The following EPHA7 variants were observed in gnomAD, a reference collection of about 807,000 sequenced individuals.
The protein encoded by EPHA7 is EPH receptor A7, also known as ephrin type-A receptor 7.
In EPHA7, 25 loss-of-function variants were observed where a neutral mutation model predicts 112.6. That is an observed-to-expected ratio of 0.22 (90% CI 0.16 to 0.31). The LOEUF is 0.31. Among genes scored for constraint, EPHA7 ranks in the 10% least tolerant of loss-of-function variants. The pLI is 1.00. For synonymous variants in EPHA7, 437 were observed against 406.5 expected, an observed-to-expected ratio of 1.07 and a Z score of -0.90; for missense variants, 962 against 1,212.6, an observed-to-expected ratio of 0.79 and a Z score of 3.07.
At chr6:93,316,223 A>G (rs1331732033) in intron 5 of EPHA7, among the ~76,000 whole-genome samples, 1 of 152,130 alleles carries the variant, frequency 6.6e-6, no homozygotes, top group Non-Finnish European at 1.5e-5. Flanking sequence ...ATTTCTAAAA[A>G]CCTTCATATT....
Position 93,350,083 on chromosome 6 carries a change from T to A in EPHA7, c.1324+6634A>T, listed in dbSNP as rs763598439. Among the ~76,000 whole-genome samples the A allele has an allele frequency of 3.7e-4, 56 of 152,122 alleles. 1 individual carries two copies. Among genetic ancestry groups the A allele is most frequent in the Non-Finnish European group, 7.1e-4 (48 of 67,930 alleles). ...TTGGCTGAGAAATTAGATCTGGGCA[T>A]TGAAAAACACAGGAAAGTCGGTCAG... is the stretch of plus-strand genomic sequence containing the variant. On this transcript the variant is annotated intron_variant, in intron 5 of 16. Coordinates refer to ENST00000369303, the MANE Select transcript of EPHA7 (RefSeq NM_004440.4).
Position 93,243,134 on chromosome 6 carries a change from T to C in EPHA7, c.*292A>G, listed in dbSNP as rs1276361150. ...TTCTTTATGTACATTTTAAAAAGTC[T>C]ATAAGACAAAAAGGAGGTTAGAGAG... is the stretch of plus-strand genomic sequence containing the variant. On this transcript the variant is annotated 3_prime_UTR_variant, in exon 17 of 17. Transcript: ENST00000369303. 3.6e-6 allele frequency: 1 copy of C among 280,044 alleles called. No homozygotes were observed. The allele number at this position is 280,044 out of a possible 1,614,324, so 17.3% of individuals were successfully genotyped here.
chr6:93,361,526 A>G (rs1776260713), intron 3 of EPHA7, among the ~76,000 whole-genome samples: 1 of 152,064 alleles, frequency 6.6e-6, no homozygotes, highest in Admixed American at 6.6e-5. Flanking sequence ...AAAGCAGGGT[A>G]AAGTGGCATA....
At chr6:93,309,711 T>C (rs1006648347) in intron 5 of EPHA7, among the ~76,000 whole-genome samples, 5 of 152,094 alleles carry the variant, frequency 3.3e-5, no homozygotes, top group Middle Eastern at 3.3e-3. Flanking sequence ...TATTTTATCA[T>C]AAAACATTCT....
At chr6:93,246,082 C>T (rs889063165) in intron 15 of EPHA7, among the ~76,000 whole-genome samples, 7 of 151,138 alleles carry the variant, frequency 4.6e-5, no homozygotes, top group South Asian at 2.1e-4. Context: ...GACGGAGTCT[C>T]GCTCTGTCGC....
At chr6:93,325,241 G>C (rs1262916047) in intron 5 of EPHA7, among the ~76,000 whole-genome samples, 3 of 151,138 alleles carry the variant, frequency 2.0e-5, no homozygotes, top group African/African-American at 7.3e-5. Context: ...AGAAACAATT[G>C]GTCCTAAGTG....
In EPHA7 at chr6:93,243,376, G is replaced by T; in HGVS notation, c.*50C>A. The stretch of plus-strand genomic sequence containing the variant: ...CATTCTATGCATATACTGAAGGCCA[G>T]TACTGTTCTCTTGCAGTCTGTAATC... On this transcript the variant is annotated 3_prime_UTR_variant, in exon 17 of 17. Transcript: ENST00000369303. 7.2e-7 allele frequency: 1 copy of T among 1,386,158 alleles called. No homozygotes were observed. The highest frequency in any genetic ancestry group is 1.0e-6 in the Non-Finnish European group (1 of 974,746). 85.9% of individuals were successfully genotyped at this position (1,386,158 alleles called of 1,614,324 possible). A position where few individuals can be genotyped will look rare whatever the true frequency, so the allele number is the denominator to read the frequency against.
chr6:93,302,064 T>C (rs1224781753), intron 5 of EPHA7, among the ~76,000 whole-genome samples: 2 of 152,168 alleles, frequency 1.3e-5, no homozygotes, highest in South Asian at 4.1e-4. Flanking sequence ...ACCCTTACCG[T>C]CACTGGGCCG....
At chr6:93,297,970 G>A (rs1017466618) in intron 5 of EPHA7, among the ~76,000 whole-genome samples, 4 of 152,112 alleles carry the variant, frequency 2.6e-5, no homozygotes, top group African/African-American at 9.7e-5. Flanking sequence ...GTAGCCCTCA[G>A]TGCAGCAAAC....
intron 5 of EPHA7, among the ~76,000 whole-genome samples, chr6:93,312,841 G>A (rs893572952): frequency 2.0e-5 from 3 of 152,062 alleles, no homozygotes; most frequent in Non-Finnish European, 2.9e-5. Context: ...GTTATTAAAT[G>A]GCTTAATTTT....
chr6:93,399,946 G>C (rs1256494643), intron 3 of EPHA7, among the ~76,000 whole-genome samples: 2 of 152,006 alleles, frequency 1.3e-5, no homozygotes, highest in African/African-American at 2.4e-5. Context: ...ACTCAAACTT[G>C]AAGAATTTGT....
intron 5 of EPHA7, among the ~76,000 whole-genome samples, chr6:93,342,537 G>C (rs1189953370): frequency 6.6e-6 from 1 of 151,658 alleles, no homozygotes; most frequent in Non-Finnish European, 1.5e-5. Flanking sequence ...AGGCATGCTG[G>C]AGTAATCAAA....
At chr6:93,276,900 T>C (rs954151482) in intron 5 of EPHA7, among the ~76,000 whole-genome samples, 1 of 152,048 alleles carries the variant, frequency 6.6e-6, no homozygotes, top group Non-Finnish European at 1.5e-5. Context: ...AAACAAAGAA[T>C]GGATGGAAAA....
chr6:93,284,930 G>A (rs191960072), intron 5 of EPHA7, among the ~76,000 whole-genome samples: 83 of 152,036 alleles, frequency 5.5e-4, no homozygotes, highest in African/African-American at 2.0e-3. Context: ...AACCACCATG[G>A]CGTGTGTATA....
intron 5 of EPHA7, among the ~76,000 whole-genome samples, chr6:93,326,580 C>A (rs1398407266): frequency 1.3e-5 from 2 of 151,428 alleles, no homozygotes; most frequent in African/African-American, 2.4e-5. Flanking sequence ...TATTTGTTCA[C>A]TGAAACTGAA....
chr6:93,246,878 C>G lies in EPHA7; in HGVS notation c.2640G>C (p.Arg880Ser), dbSNP rs2127847048. Residue 880 changes from arginine to serine, a missense_variant, in exon 15 of 17, where the codon AGG becomes AGC. Arg to Ser is a moderately radical substitution (Grantham distance 110). Around this residue, in one of 3 missense-constraint regions of EPHA7, gnomAD observed 746 missense variants for 889.2 expected, o/e 0.84. Transcript: ENST00000369303. ...LDCWQKERAE[R>S]PKFEQIVGIL... ...TTCCAACTATCTGTTCAAATTTTGG[C>G]CTTTCAGCACGCTCCTTTTGCCAAC... 1 of 1,613,842 alleles carries G rather than the reference C, an allele frequency of 6.2e-7. No individual in the cohort carries two copies. Among genetic ancestry groups the G allele is most frequent in the Non-Finnish European group, 8.5e-7 (1 of 1,179,792 alleles).
At chr6:93,309,098 G>A (rs1562086525) in intron 5 of EPHA7, among the ~76,000 whole-genome samples, 1 of 152,084 alleles carries the variant, frequency 6.6e-6, no homozygotes. Context: ...ACAGGCATGT[G>A]TCACCATGCC....
Position 93,269,510 on chromosome 6 carries a change from T to C in EPHA7, c.1600A>G (p.Thr534Ala). 6.2e-7 allele frequency: 1 copy of C among 1,611,198 alleles called. No individual in the cohort carries two copies. The highest frequency in any genetic ancestry group is 1.1e-5 in the South Asian group (1 of 91,008). Residue 534 changes from threonine (T) to alanine (A), a missense_variant, in exon 7 of 17, where the codon ACA (threonine) becomes GCA (alanine). Transcript: ENST00000369303. ...GNYSPRLDVA[T>A]LEEATGKMFE... The stretch of plus-strand genomic sequence containing the variant: ...ATTTTACCTGTAGCTTCCTCTAGTG[T>C]AGCAACATCAAGTCTGGGACTGTAA...
At chr6:93,248,441 T>C (rs1582385915) in intron 14 of EPHA7, among the ~76,000 whole-genome samples, 1 of 152,128 alleles carries the variant, frequency 6.6e-6, no homozygotes, top group South Asian at 2.1e-4. Context: ...AAAATTTATA[T>C]AAGTATAAAA....
Sources: allele counts gnomAD v4.1 joint callset (sites outside exome capture counted in the v4.1 genomes callset), GRCh38; gene constraint gnomAD v4.1.1; regional missense constraint gnomAD v4.1.1; transcripts MANE v1.5; gene names NCBI Gene and HGNC (gene_info 2026-07-23, HGNC 2026-07-21).